The following ST6GALNAC3 variants were observed in gnomAD, a reference collection of about 807,000 sequenced individuals.
The protein encoded by ST6GALNAC3 is alpha-N-acetylgalactosaminide alpha-2,6-sialyltransferase 3.
A neutral mutation model predicts 32.7 loss-of-function variants in ST6GALNAC3; 25 were observed. The observed-to-expected ratio is 0.76, with a 90% CI of 0.56 to 1.07. The LOEUF (loss-of-function observed/expected upper bound fraction) is 1.07. Among genes scored for constraint, ST6GALNAC3 ranks in the 50% least tolerant of loss-of-function variants. The pLI is 0.00. For synonymous variants in ST6GALNAC3, 129 were observed against 133.1 expected (o/e 0.97, Z 0.21); for missense variants, 355 against 382.4 (o/e 0.93, Z 0.60).
intron 1 of ST6GALNAC3, among the ~76,000 whole-genome samples, chr1:76,093,786 T>A (rs1463712251): frequency 6.6e-6 from 1 of 152,166 alleles, no homozygotes; most frequent in African/African-American, 2.4e-5. Context: ...CTTCCCACAG[T>A]TTCCCATCCT....
intron 3 of ST6GALNAC3, among the ~76,000 whole-genome samples, chr1:76,596,684 T>C (rs1335299519): frequency 6.6e-6 from 1 of 152,194 alleles, no homozygotes; most frequent in African/African-American, 2.4e-5. Flanking sequence ...AATGGCTAGT[T>C]CTGTTAAGCC....
At chr1:76,518,975 A>G (rs1241690757) in intron 3 of ST6GALNAC3, among the ~76,000 whole-genome samples, 1 of 152,182 alleles carries the variant, frequency 6.6e-6, no homozygotes, top group Non-Finnish European at 1.5e-5. Flanking sequence ...CTAAGGCAGG[A>G]GAATCACTTG....
chr1:76,481,935 C>A (rs1659750119), intron 3 of ST6GALNAC3, among the ~76,000 whole-genome samples: 1 of 152,096 alleles, frequency 6.6e-6, no homozygotes, highest in African/African-American at 2.4e-5. Flanking sequence ...ATTTCCAAAT[C>A]AAATTTCTTC....
intron 3 of ST6GALNAC3, among the ~76,000 whole-genome samples, chr1:76,518,574 A>G (rs1662314239): frequency 1.3e-5 from 2 of 152,040 alleles, no homozygotes; most frequent in Non-Finnish European, 2.9e-5. Context: ...GTAAACTTAC[A>G]ATTTCCAATT....
chr1:76,188,047 A>AATAG (rs1388601381), intron 1 of ST6GALNAC3, among the ~76,000 whole-genome samples: 1 of 152,156 alleles, frequency 6.6e-6, no homozygotes, highest in Non-Finnish European at 1.5e-5. Context: ...ACAGCCTATG[A>AATAG]ATAGATATAA....
At chr1:76,089,305 C>T (rs889987941) in intron 1 of ST6GALNAC3, among the ~76,000 whole-genome samples, 1 of 152,274 alleles carries the variant, frequency 6.6e-6, no homozygotes, top group Admixed American at 6.5e-5. Flanking sequence ...CCCGCCTTGG[C>T]CTCCCAAAAT....
At chr1:76,345,076 A>G (rs1648384177) in intron 2 of ST6GALNAC3, among the ~76,000 whole-genome samples, 1 of 152,060 alleles carries the variant, frequency 6.6e-6, no homozygotes, top group East Asian at 1.9e-4. Flanking sequence ...ATTCATGTTG[A>G]TCCCCTAGCT....
Position 76,631,130 on chromosome 1 carries a change from G to T in ST6GALNAC3, c.*2324G>T. On this transcript the variant is annotated 3_prime_UTR_variant, in exon 5 of 5. Transcript: ENST00000328299. ...TGTATCCCTCACTCTATAGCAGAAG[G>T]TGTGTGTGGAATATGTAGACTCCAG... 1.4e-6 allele frequency: 1 copy of T among 697,174 alleles called. No individual in the cohort carries two copies. The highest frequency in any genetic ancestry group is 1.8e-6 in the Non-Finnish European group (1 of 567,438). The allele number at this position is 697,174 out of a possible 1,614,324, so 43.2% of individuals were successfully genotyped here. A position where few individuals can be genotyped will look rare whatever the true frequency, so the allele number is the denominator to read the frequency against.
At chr1:76,627,429 T>C in intron 3 of ST6GALNAC3, 23 bp from the exon 4 acceptor site, 5 of 1,471,294 alleles carry the variant, frequency 3.4e-6, no homozygotes, top group Non-Finnish European at 4.8e-6. Context: ...CTGTTTGTTA[T>C]TGTTTGTTTT....
intron 3 of ST6GALNAC3, among the ~76,000 whole-genome samples, chr1:76,492,982 G>A (rs756916937): frequency 6.6e-6 from 1 of 151,786 alleles, no homozygotes; most frequent in African/African-American, 2.4e-5. Context: ...TTTAGGGTTA[G>A]GCCTAGAAGG....
intron 1 of ST6GALNAC3, among the ~76,000 whole-genome samples, chr1:76,255,327 A>G (rs1481826981): frequency 6.6e-6 from 1 of 152,148 alleles, no homozygotes; most frequent in East Asian, 1.9e-4. Context: ...TTATAGTTAA[A>G]TGATACATTT....
chr1:76,568,761 C>G (rs1665697866), intron 3 of ST6GALNAC3, among the ~76,000 whole-genome samples: 1 of 152,126 alleles, frequency 6.6e-6, no homozygotes, highest in African/African-American at 2.4e-5. Context: ...CCAGGTTCGC[C>G]AAGAGTGTTT....
At chr1:76,476,280 G>A (rs573222839) in intron 3 of ST6GALNAC3, among the ~76,000 whole-genome samples, 17 of 152,202 alleles carry the variant, frequency 1.1e-4, no homozygotes, top group African/African-American at 2.2e-4. Context: ...GGCCACATAC[G>A]ATCTCTATCA....
chr1:76,146,746 CA>C (rs2100308668), intron 1 of ST6GALNAC3, among the ~76,000 whole-genome samples: 1 of 152,316 alleles, frequency 6.6e-6, no homozygotes, highest in Non-Finnish European at 1.5e-5. Context: ...TTAATTTAGA[CA>C]GTTAAATATC....
intron 3 of ST6GALNAC3, among the ~76,000 whole-genome samples, chr1:76,593,750 A>G (rs891530525): frequency 6.6e-6 from 1 of 152,294 alleles, no homozygotes; most frequent in African/African-American, 2.4e-5. Flanking sequence ...TTGGAAAATC[A>G]AAGATAAATG....
intron 1 of ST6GALNAC3, among the ~76,000 whole-genome samples, chr1:76,168,177 A>G (rs1434451953): frequency 6.6e-6 from 1 of 152,156 alleles, no homozygotes; most frequent in Non-Finnish European, 1.5e-5. Flanking sequence ...GGATTATGCT[A>G]CATTGTATCT....
chr1:76,335,199 A>C (rs940625569), intron 2 of ST6GALNAC3, among the ~76,000 whole-genome samples: 1 of 152,200 alleles, frequency 6.6e-6, no homozygotes, highest in South Asian at 2.1e-4. Context: ...AACAATCACA[A>C]ATAGGGCAGG....
intron 3 of ST6GALNAC3, among the ~76,000 whole-genome samples, chr1:76,552,292 T>G (rs1664685120): frequency 1.3e-5 from 2 of 152,152 alleles, no homozygotes; most frequent in African/African-American, 4.8e-5. Context: ...ACTGAGGGTC[T>G]CTCACTTACC....
intron 3 of ST6GALNAC3, among the ~76,000 whole-genome samples, chr1:76,525,790 T>TATATATATATATATAC (rs1557528677): frequency 2.0e-4 from 16 of 80,676 alleles, no homozygotes; most frequent in African/African-American, 6.2e-4. Flanking sequence ...TGTGTGTGTG[T>TATATATATATATATAC]GTATATATAT....
Sources: allele counts gnomAD v4.1 joint callset (sites outside exome capture counted in the v4.1 genomes callset), GRCh38; gene constraint gnomAD v4.1.1; transcripts MANE v1.5; gene names NCBI Gene and HGNC (gene_info 2026-07-23, HGNC 2026-07-21).